NRIP1: variants seen among roughly 807,000 people sequenced by gnomAD.
NRIP1 encodes the protein nuclear receptor-interacting protein 1.
In NRIP1, 28 loss-of-function variants were observed where a neutral mutation model predicts 75.0. The observed-to-expected ratio is 0.37, with a 90% confidence interval of 0.28 to 0.51. The LOEUF (loss-of-function observed/expected upper bound fraction) is 0.51. Among genes scored for constraint, NRIP1 ranks in the 20% least tolerant of loss-of-function variants. The probability of loss-of-function intolerance (pLI) is 0.92; values close to 1 mark genes in which losing one functional copy is unlikely to be tolerated. For missense variants in NRIP1, 1,435 were observed against 1,343.7 expected, an observed-to-expected ratio of 1.07 and a Z score of -1.06; for synonymous variants, 526 against 487.6, an observed-to-expected ratio of 1.08 and a Z score of -1.04.
chr21:15,032,091 T>C (rs2088715787), intron 2 of NRIP1, among the ~76,000 whole-genome samples: 1 of 152,212 alleles, frequency 6.6e-6, no homozygotes, highest in African/African-American at 2.4e-5. Context: ...TCTGAAGTAA[T>C]CCTAAGTTCA....
intron 2 of NRIP1, among the ~76,000 whole-genome samples, chr21:15,020,303 T>C (rs1250251813): frequency 2.6e-5 from 4 of 152,218 alleles, no homozygotes; most frequent in South Asian, 2.1e-4. Flanking sequence ...CTCCCATTCA[T>C]AGTCATTTGA....
intron 2 of NRIP1, among the ~76,000 whole-genome samples, chr21:15,017,121 T>A (rs1300282865): frequency 2.6e-5 from 4 of 152,156 alleles, no homozygotes; most frequent in Non-Finnish European, 5.9e-5. Flanking sequence ...GGTCTGTGTA[T>A]ATAGATAAGA....
rs558172234 is a variant in NRIP1 at position 15,034,570 on chromosome 21, T to C, written c.-458+8925A>G. 2.6e-5 allele frequency among the ~76,000 whole-genome samples: 4 copies of C among 152,306 alleles called. No homozygotes were observed. In the East Asian group the frequency reaches 7.7e-4, roughly 29 times the overall value. On this transcript the variant is annotated intron_variant, in intron 2 of 3. Coordinates refer to ENST00000318948, the MANE Select transcript of NRIP1 (RefSeq NM_003489.4). Reference sequence around the variant, plus strand: ...TTATAGTTCAAACAAATTCAGAAACTGTTTTTCCTAACCCAGTATTGATCT... The same window carrying C: ...TTATAGTTCAAACAAATTCAGAAACCGTTTTTCCTAACCCAGTATTGATCT...
Position 14,981,462 on chromosome 21 carries a change from T to C in NRIP1, c.-334-12936A>G, listed in dbSNP as rs565393049. On this transcript the variant is annotated intron_variant, in intron 3 of 3. Transcript: ENST00000318948. ...GTGCAGCAGGGACAGTGACACATGCTCCTTGGCATGGCACCTGCCACTCAT... is the reference window on the plus strand; with the variant it reads ...GTGCAGCAGGGACAGTGACACATGCCCCTTGGCATGGCACCTGCCACTCAT... Among the ~76,000 whole-genome samples, 11 of 152,260 alleles carry C rather than the reference T, an allele frequency of 7.2e-5. No individual in the cohort carries two copies. In the East Asian group the frequency reaches 2.1e-3, roughly 29 times the overall value.
intron 1 of NRIP1, among the ~76,000 whole-genome samples, chr21:15,056,491 C>T (rs999960915): frequency 6.6e-6 from 1 of 151,958 alleles, no homozygotes; most frequent in Admixed American, 6.6e-5. Flanking sequence ...CACATAGATT[C>T]AGTGTATTTT....
intron 1 of NRIP1, among the ~76,000 whole-genome samples, chr21:15,063,667 C>T (rs1252630311): frequency 6.6e-6 from 1 of 152,152 alleles, no homozygotes; most frequent in Non-Finnish European, 1.5e-5. Context: ...CTTCACAATC[C>T]CACATGTAAT....
chr21:15,050,504 G>T (rs1482052855), intron 1 of NRIP1: 4 of 329,908 alleles, frequency 1.2e-5, no homozygotes, highest in Non-Finnish European at 1.8e-5. Flanking sequence ...CCAAAACGTA[G>T]TATTTGTGTA....
chr21:14,983,172 A>G (rs1433667032), intron 3 of NRIP1, among the ~76,000 whole-genome samples: 1 of 152,180 alleles, frequency 6.6e-6, no homozygotes, highest in African/African-American at 2.4e-5. Flanking sequence ...AGACAGGCCA[A>G]AAGCTCAGCC....
intron 2 of NRIP1, among the ~76,000 whole-genome samples, chr21:15,033,333 T>TG: frequency 6.7e-6 from 1 of 150,146 alleles, no homozygotes; most frequent in East Asian, 2.0e-4. Flanking sequence ...ATGAATTTAT[T>TG]TCCATTTTAC....
chr21:15,024,696 T>C (rs1017178676), intron 2 of NRIP1, among the ~76,000 whole-genome samples: 3 of 151,210 alleles, frequency 2.0e-5, no homozygotes, highest in Non-Finnish European at 2.9e-5. Flanking sequence ...CAGGATGAGG[T>C]TGGTGTCACT....
At chr21:15,049,384 T>G (rs1011916235) in intron 1 of NRIP1, among the ~76,000 whole-genome samples, 1 of 152,056 alleles carries the variant, frequency 6.6e-6, no homozygotes, top group Admixed American at 6.5e-5. Flanking sequence ...AATCATAGAT[T>G]ACAGGGGATA....
intron 3 of NRIP1, among the ~76,000 whole-genome samples, chr21:14,972,885 G>A (rs558499849): frequency 6.6e-6 from 1 of 152,326 alleles, no homozygotes; most frequent in Admixed American, 6.5e-5. Flanking sequence ...GACAGGAGGC[G>A]GAGCTCAGGC....
At chr21:14,985,388 A>G (rs1171583723) in intron 3 of NRIP1, among the ~76,000 whole-genome samples, 2 of 152,206 alleles carry the variant, frequency 1.3e-5, no homozygotes, top group Non-Finnish European at 2.9e-5. Flanking sequence ...AAAGAATAAA[A>G]AAGTATTTTA....
intron 3 of NRIP1, among the ~76,000 whole-genome samples, chr21:14,987,005 C>T (rs1025122162): frequency 7.2e-5 from 11 of 152,180 alleles, no homozygotes; most frequent in Non-Finnish European, 1.0e-4. Flanking sequence ...CCTAATCAAT[C>T]ATCCTGTCTG....
chr21:15,046,940 G>A (rs1272612720), intron 1 of NRIP1, among the ~76,000 whole-genome samples: 2 of 152,112 alleles, frequency 1.3e-5, no homozygotes, highest in African/African-American at 2.4e-5. Context: ...AGAGTGAGGC[G>A]CTGCTCTGGA....
In NRIP1 at chr21:14,967,231, A is replaced by G; in HGVS notation, c.962T>C (p.Met321Thr). 6.2e-7 allele frequency: 1 copy of G among 1,614,014 alleles called. No homozygotes were observed. Among genetic ancestry groups the G allele is most frequent in the Non-Finnish European group, 8.5e-7 (1 of 1,179,992 alleles). Residue 321 changes from methionine (M) to threonine (T), a missense_variant, in exon 4 of 4, where the codon ATG (methionine) becomes ACG (threonine). Met to Thr is a moderately conservative substitution (Grantham distance 81). Coordinates refer to ENST00000318948, the MANE Select transcript of NRIP1 (RefSeq NM_003489.4). Reference sequence around the variant, plus strand: ...TGCCTGACCATTAAGATGGCTTGACATTCCTTTTGGGAGCTGGTAACTGCC... The same window carrying G: ...TGCCTGACCATTAAGATGGCTTGACGTTCCTTTTGGGAGCTGGTAACTGCC... Reference protein sequence around the residue: ...DVGSYQLPKGMSSHLNGQART... With the variant: ...DVGSYQLPKGTSSHLNGQART...
intron 3 of NRIP1, among the ~76,000 whole-genome samples, chr21:14,976,493 T>C (rs1327366351): frequency 3.3e-5 from 5 of 152,184 alleles, no homozygotes; most frequent in African/African-American, 9.6e-5. Flanking sequence ...ATAGGTAATT[T>C]TTTTAGAGCT....
In NRIP1 at chr21:15,019,545, A is replaced by G. The variant is rs570617086; in HGVS notation, c.-457-5079T>C. Among the ~76,000 whole-genome samples the G allele has an allele frequency of 2.7e-4, 32 of 119,366 alleles. 1 individual carries two copies. In the South Asian group the frequency reaches 8.8e-3, roughly 33 times the overall value. The allele number at this position is 119,366 out of a possible 152,430, so 78.3% of individuals were successfully genotyped here. Reference sequence around the variant, plus strand: ...ACTCTGTCGCCCAAGCTGGAGTGCAATGATGCAGTCTTGGCTCACTGCAAC... The same window carrying G: ...ACTCTGTCGCCCAAGCTGGAGTGCAGTGATGCAGTCTTGGCTCACTGCAAC... On this transcript the variant is annotated intron_variant, in intron 2 of 3. Transcript: ENST00000318948.
In NRIP1 at chr21:14,983,718, G is replaced by A. The variant is rs147346216; in HGVS notation, c.-334-15192C>T. On this transcript the variant is annotated intron_variant, in intron 3 of 3. Transcript: ENST00000318948. ...GTAAAGGCTGATGAAGCTGGAACTT[G>A]AGGTTGAAGCCAATGCTCATATACC... Among the ~76,000 whole-genome samples, 26 of 152,326 alleles carry A rather than the reference G, an allele frequency of 1.7e-4. 1 individual carries two copies. The East Asian group carries it at 4.8e-3, about 28-fold the overall frequency.
Sources: gnomAD v4.1 joint callset for allele counts (sites outside exome capture counted in the v4.1 genomes callset) on GRCh38, gnomAD v4.1.1 for gene constraint, MANE v1.5 for transcripts, NCBI Gene and HGNC (gene_info 2026-07-23, HGNC 2026-07-21) for gene names.